The following ATRNL1 variants were observed in gnomAD, a reference collection of about 807,000 sequenced individuals.
The protein encoded by ATRNL1 is attractin-like protein 1.
ATRNL1 carries 95 observed loss-of-function variants against 182.7 expected under a neutral mutation model. The ratio of observed to expected loss-of-function variants is 0.52; its 90% confidence interval spans 0.44 to 0.62. ATRNL1 has a LOEUF of 0.62. ATRNL1 is among the 20% of genes least tolerant of loss of function. The pLI is 0.00. For missense variants in ATRNL1, 1,471 were observed against 1,679.5 expected, an observed-to-expected ratio of 0.88 and a Z score of 2.17; for synonymous variants, 576 against 568.3, an observed-to-expected ratio of 1.01 and a Z score of -0.19.
chr10:115,367,847 G>A (rs1857141107), intron 19 of ATRNL1, among the ~76,000 whole-genome samples: 1 of 147,914 alleles, frequency 6.8e-6, no homozygotes, highest in Non-Finnish European at 1.5e-5. Flanking sequence ...TCAGGGGTCA[G>A]GGACCCACTT....
intron 14 of ATRNL1, 26 bp from the exon 15 acceptor site, chr10:115,286,190 A>G (rs1328947300): frequency 1.6e-6 from 2 of 1,227,876 alleles, no homozygotes; most frequent in South Asian, 2.7e-5. Flanking sequence ...TAATCTAACA[A>G]TAAGACACAT....
At chr10:115,758,390 A>G (rs1948646857) in intron 27 of ATRNL1, among the ~76,000 whole-genome samples, 2 of 152,100 alleles carry the variant, frequency 1.3e-5, no homozygotes, top group Admixed American at 1.3e-4. Context: ...CCCCTCTGCT[A>G]CAGGTCTGCT....
At chr10:115,464,376 T>A (rs559882150) in intron 22 of ATRNL1, among the ~76,000 whole-genome samples, 199 of 152,162 alleles carry the variant, frequency 1.3e-3, no homozygotes, top group African/African-American at 4.4e-3. Context: ...CCATCACTTC[T>A]AGCCAGTGCT....
chr10:115,429,061 G>A (rs1846031463), intron 21 of ATRNL1, among the ~76,000 whole-genome samples: 2 of 152,004 alleles, frequency 1.3e-5, no homozygotes, highest in South Asian at 4.1e-4. Context: ...GTGGCATTTT[G>A]TGGTTTTGTT....
chr10:115,384,250 G>A (rs1471578409), intron 19 of ATRNL1, among the ~76,000 whole-genome samples: 1 of 151,878 alleles, frequency 6.6e-6, no homozygotes, highest in Non-Finnish European at 1.5e-5. Flanking sequence ...AGTAGTAAAT[G>A]CATGTTCTTT....
At chr10:115,258,130 A>T (rs1851236964) in intron 10 of ATRNL1, among the ~76,000 whole-genome samples, 1 of 152,050 alleles carries the variant, frequency 6.6e-6, no homozygotes, top group Non-Finnish European at 1.5e-5. Context: ...TGTTCTCTGT[A>T]TTTCCTGAAT....
intron 26 of ATRNL1, among the ~76,000 whole-genome samples, chr10:115,713,950 A>G (rs530450644): frequency 6.6e-5 from 10 of 152,322 alleles, no homozygotes; most frequent in African/African-American, 2.4e-4. Context: ...GTAGTTTACT[A>G]TGTTTGGTAA....
intron 28 of ATRNL1, among the ~76,000 whole-genome samples, chr10:115,910,145 T>C (rs1445934998): frequency 3.3e-5 from 5 of 152,040 alleles, no homozygotes; most frequent in Non-Finnish European, 5.9e-5. Flanking sequence ...AGAAGGGCCA[T>C]TGACATTACA....
intron 27 of ATRNL1, among the ~76,000 whole-genome samples, chr10:115,772,708 C>T (rs1949026133): frequency 6.6e-6 from 1 of 151,000 alleles, no homozygotes; most frequent in African/African-American, 2.4e-5. Flanking sequence ...AGTATCCCTA[C>T]AGATATTTTT....
At chr10:115,500,797 TC>T (rs1348501009) in intron 24 of ATRNL1, among the ~76,000 whole-genome samples, 1 of 152,020 alleles carries the variant, frequency 6.6e-6, no homozygotes, top group Non-Finnish European at 1.5e-5. Flanking sequence ...TGCCTCGGCG[TC>T]CCAGAGAGCT....
At chr10:115,245,846 C>A (rs1298392263) in intron 10 of ATRNL1, among the ~76,000 whole-genome samples, 2 of 152,150 alleles carry the variant, frequency 1.3e-5, no homozygotes, top group African/African-American at 4.8e-5. Flanking sequence ...AGTGGTACCA[C>A]TTACCTGGCC....
At chr10:115,879,954 GT>G in intron 28 of ATRNL1, among the ~76,000 whole-genome samples, 1 of 152,220 alleles carries the variant, frequency 6.6e-6, no homozygotes, top group East Asian at 1.9e-4. Flanking sequence ...CCAGGAAATT[GT>G]TCAGAAGCTA....
At chr10:115,672,577 C>T (rs749062557) in intron 26 of ATRNL1, among the ~76,000 whole-genome samples, 20 of 151,966 alleles carry the variant, frequency 1.3e-4, no homozygotes, top group Non-Finnish European at 2.5e-4. Context: ...GTTAGGCAAA[C>T]GTAAGCTGAA....
chr10:115,879,196 A>G (rs547217061), intron 28 of ATRNL1, among the ~76,000 whole-genome samples: 2 of 151,566 alleles, frequency 1.3e-5, no homozygotes, highest in East Asian at 3.9e-4. Flanking sequence ...AGTCCCAGCT[A>G]CTCAAGAGGC....
chr10:115,380,738 T>C (rs1564978882), intron 19 of ATRNL1, among the ~76,000 whole-genome samples: 1 of 152,210 alleles, frequency 6.6e-6, no homozygotes, highest in African/African-American at 2.4e-5. Flanking sequence ...AAAATTCAAT[T>C]ATAATATCCA....
intron 8 of ATRNL1, among the ~76,000 whole-genome samples, chr10:115,211,545 A>T (rs782354440): frequency 3.3e-4 from 50 of 151,500 alleles, no homozygotes; most frequent in Admixed American, 1.5e-3. Context: ...CCTATTTAAG[A>T]TTTACTTAGT....
intron 26 of ATRNL1, among the ~76,000 whole-genome samples, chr10:115,620,813 C>A (rs1565220120): frequency 1.3e-5 from 2 of 152,194 alleles, no homozygotes; most frequent in Non-Finnish European, 2.9e-5. Context: ...CATATGTACA[C>A]ACAAAGATAT....
Position 115,265,044 on chromosome 10 carries a change from T to C in ATRNL1, c.1688-149T>C, listed in dbSNP as rs112802428. ...ATGTTAGTTGAGTAAATACACTAAATTGTAGGTCATGGAAAATTAATGAGA... is the reference window on the plus strand; with the variant it reads ...ATGTTAGTTGAGTAAATACACTAAACTGTAGGTCATGGAAAATTAATGAGA... On this transcript the variant is annotated intron_variant, in intron 10 of 28. Coordinates refer to ENST00000355044, the MANE Select transcript of ATRNL1 (RefSeq NM_207303.4). 1,828 of 478,032 alleles carry C rather than the reference T, an allele frequency of 3.8e-3. 24 individuals are homozygous for C. The highest frequency in any genetic ancestry group is 0.027 in the African/African-American group (1,354 of 50,270). 29.6% of individuals were successfully genotyped at this position (478,032 alleles called of 1,614,324 possible). A position where few individuals can be genotyped will look rare whatever the true frequency, so the allele number is the denominator to read the frequency against.
At chr10:115,600,363 A>G (rs1356609680) in intron 26 of ATRNL1, among the ~76,000 whole-genome samples, 1 of 152,100 alleles carries the variant, frequency 6.6e-6, no homozygotes, top group African/African-American at 2.4e-5. Flanking sequence ...ACCACATTTC[A>G]CCTATTCCAT....
Sources: gnomAD v4.1 joint callset for allele counts (sites outside exome capture counted in the v4.1 genomes callset) on GRCh38, gnomAD v4.1.1 for gene constraint, MANE v1.5 for transcripts, NCBI Gene and HGNC (gene_info 2026-07-23, HGNC 2026-07-21) for gene names.